The following DPH6 variants were observed in gnomAD, a reference collection of about 807,000 sequenced individuals.
DPH6 encodes diphthine--ammonia ligase.
Under a neutral mutation model 38.2 loss-of-function variants are expected in DPH6, and 33 were observed. The observed-to-expected ratio is 0.86, with a 90% CI of 0.65 to 1.15. DPH6 has a LOEUF of 1.15. Ranked by LOEUF, DPH6 falls within the 50% of genes most tolerant of loss-of-function variation. The pLI is 0.00. For missense variants in DPH6, 325 were observed against 320.0 expected (o/e 1.02, Z -0.12); for synonymous variants, 108 against 103.0 (o/e 1.05, Z -0.30).
At chr15:35,228,364 A>G (rs539921664) in intron 3 of DPH6, among the ~76,000 whole-genome samples, 1 of 152,336 alleles carries the variant, frequency 6.6e-6, no homozygotes, top group South Asian at 2.1e-4. Context: ...TAGTTTATAC[A>G]CTACAGTTAC....
intron 3 of DPH6, among the ~76,000 whole-genome samples, chr15:35,268,880 G>A (rs2051802659): frequency 1.3e-5 from 2 of 152,076 alleles, no homozygotes; most frequent in African/African-American, 4.8e-5. Flanking sequence ...GGGCAGGAAA[G>A]ACCATTAGGC....
chr15:35,237,732 T>A (rs546139306), intron 3 of DPH6: 1 of 1,613,080 alleles, frequency 6.2e-7, no homozygotes, highest in South Asian at 1.1e-5. Context: ...GAAAATGTGT[T>A]CAAGCTCCTC....
At chr15:35,537,414 C>T (rs772990069) in intron 3 of DPH6, among the ~76,000 whole-genome samples, 5 of 152,026 alleles carry the variant, frequency 3.3e-5, no homozygotes, top group African/African-American at 9.7e-5. Context: ...TCGATTGTAA[C>T]GGACTGAATA....
intron 3 of DPH6, among the ~76,000 whole-genome samples, chr15:35,228,497 C>T (rs774513123): frequency 4.6e-5 from 7 of 152,124 alleles, no homozygotes; most frequent in Non-Finnish European, 5.9e-5. Context: ...GGCACAATTT[C>T]AGCTCACCAT....
intron 3 of DPH6, among the ~76,000 whole-genome samples, chr15:35,532,712 T>C (rs1278668030): frequency 6.6e-6 from 1 of 152,074 alleles, no homozygotes; most frequent in Non-Finnish European, 1.5e-5. Flanking sequence ...TCCTTAACTA[T>C]AAGCTCACTG....
intron 3 of DPH6, among the ~76,000 whole-genome samples, chr15:35,506,398 A>G (rs2054694698): frequency 6.6e-6 from 1 of 152,158 alleles, no homozygotes; most frequent in South Asian, 2.1e-4. Context: ...TCCTGATTAC[A>G]ACTTTGTAAT....
At chr15:35,328,840 A>C (rs570767967), downstream of DPH6, among the ~76,000 whole-genome samples, 27 of 152,226 alleles carry the variant, frequency 1.8e-4, no homozygotes, top group Non-Finnish European at 1.5e-5. Flanking sequence ...TTGGACTTAC[A>C]GTTCCACGTG....
intron 3 of DPH6, among the ~76,000 whole-genome samples, chr15:35,243,666 C>T (rs993769857): frequency 1.3e-4 from 20 of 149,682 alleles, no homozygotes; most frequent in African/African-American, 4.9e-4. Context: ...GAACAACCCT[C>T]TTTGACTGTA....
chr15:35,351,354 C>T (rs1191073897), intron 3 of DPH6, among the ~76,000 whole-genome samples: 1 of 151,900 alleles, frequency 6.6e-6, no homozygotes, highest in East Asian at 1.9e-4. Flanking sequence ...TTTATTTTTC[C>T]ATTTAGCCAC....
At chr15:35,201,836 T>C in the DPH6 span, among the ~76,000 whole-genome samples, 1 of 151,708 alleles carries the variant, frequency 6.6e-6, no homozygotes, top group African/African-American at 2.4e-5. Context: ...TACCAGTGGT[T>C]TTTTTAGTTG....
chr15:35,371,974 G>A lies in DPH6; in HGVS notation c.*176C>T, dbSNP rs770023472. The A allele has an allele frequency of 2.6e-5, 34 of 1,306,224 alleles. No homozygotes were observed. Among genetic ancestry groups the A allele is most frequent in the East Asian group, 9.8e-5 (3 of 30,740 alleles). The allele number at this position is 1,306,224 out of a possible 1,614,324, so 80.9% of individuals were successfully genotyped here. On this transcript the variant is annotated 3_prime_UTR_variant, in exon 9 of 9. Coordinates refer to ENST00000256538, the MANE Select transcript of DPH6 (RefSeq NM_080650.4). The stretch of plus-strand genomic sequence containing the variant: ...AGTTGGCACTATTAATGAACATGCC[G>A]TCGACATTTTCCCAATTAATAAATG...
intron 3 of DPH6, among the ~76,000 whole-genome samples, chr15:35,513,294 A>G (rs1339568786): frequency 1.3e-5 from 2 of 152,198 alleles, no homozygotes; most frequent in East Asian, 1.9e-4. Context: ...GAAAATTAAC[A>G]AAGAATTTAG....
the DPH6 span, among the ~76,000 whole-genome samples, chr15:35,168,022 T>G: frequency 1.3e-5 from 2 of 152,000 alleles, no homozygotes; most frequent in African/African-American, 4.8e-5. Context: ...AGACCTCCAT[T>G]AGCTTATTGA....
intron 1 of DPH6, 69 bp from the exon 2 acceptor site, chr15:35,542,576 T>A: frequency 3.7e-6 from 5 of 1,358,982 alleles, no homozygotes; most frequent in Non-Finnish European, 5.2e-6. Context: ...AATCACTAGA[T>A]ATCAAAACAG....
At position 35,317,251 on chromosome 15, in the gene DPH6, G is replaced by A. The variant is rs186323926; in HGVS notation, n.200+56270C>T. 4.4e-3 allele frequency among the ~76,000 whole-genome samples: 654 copies of A among 147,272 alleles called. 3 individuals are homozygous for A. The highest frequency in any genetic ancestry group is 0.016 in the African/African-American group (625 of 39,704). On this transcript the variant is annotated intron_variant and non_coding_transcript_variant, in intron 3 of 3. Transcript: ENST00000560386. ...CACTCCAGCCTGGGTGACAGAGAGA[G>A]ACTCTGAAAAAAAGAAAGAAAGAAA...
intron 3 of DPH6, among the ~76,000 whole-genome samples, chr15:35,278,925 T>C (rs1224475287): frequency 2.0e-5 from 3 of 151,652 alleles, no homozygotes; most frequent in Admixed American, 2.0e-4. Flanking sequence ...GGCACATGCC[T>C]GTAGTCCCAG....
chr15:35,385,803 T>C (rs2052945377), intron 6 of DPH6, among the ~76,000 whole-genome samples: 1 of 152,252 alleles, frequency 6.6e-6, no homozygotes, highest in East Asian at 1.9e-4. Context: ...CAAAAACTTA[T>C]TTTATAATTT....
intron 3 of DPH6, among the ~76,000 whole-genome samples, chr15:35,484,329 A>G (rs973390065): frequency 6.6e-6 from 1 of 152,264 alleles, no homozygotes; most frequent in Admixed American, 6.5e-5. Context: ...ATTAATTCAC[A>G]GATTCTGTGC....
Position 35,278,601 on chromosome 15 carries a change from G to GGCAGCAGCAGCTT in DPH6, n.201-58032_201-58020dup, listed in dbSNP as rs1453905960. On this transcript the variant is annotated intron_variant and non_coding_transcript_variant, in intron 3 of 3. Transcript: ENST00000560386. ...GCCTTCCAGGCCAAAGAATGGTAGA[G>GGCAGCAGCAGCTT]GCAGCAGCAGCTTGCATCCTCAGTC... Among the ~76,000 whole-genome samples the GGCAGCAGCAGCTT allele has an allele frequency of 2.0e-5, 3 of 152,306 alleles. No individual in the cohort carries two copies. The East Asian group carries it at 5.8e-4, about 30-fold the overall frequency.
Sources: allele counts gnomAD v4.1 joint callset (sites outside exome capture counted in the v4.1 genomes callset), GRCh38; gene constraint gnomAD v4.1.1; transcripts MANE v1.5; gene names NCBI Gene and HGNC (gene_info 2026-07-23, HGNC 2026-07-21).